The following SAMD5 variants were observed in gnomAD, a reference collection of about 807,000 sequenced individuals.
The protein encoded by SAMD5 is sterile alpha motif domain containing 5.
In SAMD5, 13 loss-of-function variants were observed where a neutral mutation model predicts 11.3. The observed-to-expected ratio is 1.15, with a 90% confidence interval of 0.75 to 1.83. The LOEUF (loss-of-function observed/expected upper bound fraction) is 1.83, where lower values mean the gene tolerates loss of function less well. SAMD5 is among the 40% of genes most tolerant of loss of function. SAMD5 has a pLI of 0.00. For missense variants in SAMD5, 255 were observed against 239.1 expected (o/e 1.07, Z -0.44); for synonymous variants, 129 against 111.3 (o/e 1.16, Z -1.00).
chr6:147,728,320 A>G (rs1791659140), intron 1 of SAMD5, among the ~76,000 whole-genome samples: 1 of 152,180 alleles, frequency 6.6e-6, no homozygotes, highest in Non-Finnish European at 1.5e-5. Context: ...CGGGAGGCTG[A>G]GGCACGAGAA....
At chr6:147,518,543 G>A (rs563883416) in intron 1 of SAMD5, among the ~76,000 whole-genome samples, 4 of 152,286 alleles carry the variant, frequency 2.6e-5, no homozygotes, top group South Asian at 2.1e-4. Context: ...GAAGTAAGGC[G>A]AGTCAGATGA....
At chr6:147,657,336 T>C (rs1433807458) in intron 1 of SAMD5, among the ~76,000 whole-genome samples, 1 of 152,188 alleles carries the variant, frequency 6.6e-6, no homozygotes, top group Non-Finnish European at 1.5e-5. Flanking sequence ...AGTTGATAAC[T>C]GTACTGTGGC....
chr6:147,668,519 C>T (rs115189367), intron 1 of SAMD5, among the ~76,000 whole-genome samples: 1,852 of 152,216 alleles, frequency 0.012, 44 homozygotes, highest in African/African-American at 0.043. Flanking sequence ...TAAGGCAAGT[C>T]ACATGACTTT....
At chr6:147,771,603 A>C in the SAMD5 span, among the ~76,000 whole-genome samples, 3 of 152,134 alleles carry the variant, frequency 2.0e-5, no homozygotes, top group Non-Finnish European at 2.9e-5. Flanking sequence ...AGTATTATGC[A>C]TTGTCTTATC....
the SAMD5 span, among the ~76,000 whole-genome samples, chr6:147,907,660 G>C: frequency 6.6e-6 from 1 of 152,136 alleles, no homozygotes; most frequent in Non-Finnish European, 1.5e-5. Flanking sequence ...GACCCCACAG[G>C]GGTGGGAGGA....
At chr6:147,747,440 A>G in the SAMD5 span, among the ~76,000 whole-genome samples, 7 of 152,220 alleles carry the variant, frequency 4.6e-5, no homozygotes, top group Non-Finnish European at 8.8e-5. Context: ...ACTTCACTCA[A>G]TTGAATATGA....
the SAMD5 span, among the ~76,000 whole-genome samples, chr6:147,950,810 T>C: frequency 4.1e-4 from 62 of 152,154 alleles, no homozygotes; most frequent in Non-Finnish European, 3.1e-4. Context: ...CCCTCAATAT[T>C]GCTCTCAGCC....
At chr6:147,682,442 A>G (rs73011965) in intron 1 of SAMD5, among the ~76,000 whole-genome samples, 17,452 of 152,088 alleles carry the variant, frequency 0.11, 1,095 homozygotes, top group Middle Eastern at 0.16. Flanking sequence ...TCCAGAGAGC[A>G]TCTTCTGGTC....
At chr6:147,862,110 C>T in the SAMD5 span, among the ~76,000 whole-genome samples, 5 of 151,920 alleles carry the variant, frequency 3.3e-5, no homozygotes, top group African/African-American at 4.8e-5. Flanking sequence ...AGCCACCATA[C>T]GCGATTGACA....
chr6:147,628,634 A>G (rs1790093531), intron 1 of SAMD5, among the ~76,000 whole-genome samples: 1 of 152,004 alleles, frequency 6.6e-6, no homozygotes, highest in Admixed American at 6.5e-5. Context: ...CTTTTCAACA[A>G]TCCGTTGAAC....
chr6:147,659,823 C>A (rs12175300), intron 1 of SAMD5, among the ~76,000 whole-genome samples: 2,229 of 152,146 alleles, frequency 0.015, 77 homozygotes, highest in Admixed American at 0.067. Flanking sequence ...ATTTTCATAA[C>A]TTGTAGTAGC....
the SAMD5 span, among the ~76,000 whole-genome samples, chr6:147,823,589 C>T: frequency 1.3e-5 from 2 of 152,094 alleles, no homozygotes; most frequent in African/African-American, 4.8e-5. Flanking sequence ...AACAAACCTG[C>T]ACATTCTGCA....
At chr6:147,654,320 T>C (rs1193429736) in intron 1 of SAMD5, among the ~76,000 whole-genome samples, 2 of 152,134 alleles carry the variant, frequency 1.3e-5, no homozygotes, top group African/African-American at 4.8e-5. Context: ...CACACATAAA[T>C]ACACCATCAT....
the SAMD5 span, among the ~76,000 whole-genome samples, chr6:147,800,368 A>C: frequency 6.6e-6 from 1 of 152,298 alleles, no homozygotes; most frequent in South Asian, 2.1e-4. Flanking sequence ...GGTGCCTCCC[A>C]GTTAGTCTGC....
chr6:147,685,604 A>T (rs1209417242), intron 1 of SAMD5, among the ~76,000 whole-genome samples: 1 of 152,106 alleles, frequency 6.6e-6, no homozygotes, highest in African/African-American at 2.4e-5. Flanking sequence ...GCATATCTGG[A>T]GTCTTTACAA....
At chr6:147,529,253 T>G (rs1394135684) in intron 1 of SAMD5, among the ~76,000 whole-genome samples, 3 of 152,196 alleles carry the variant, frequency 2.0e-5, no homozygotes, top group Non-Finnish European at 4.4e-5. Context: ...GTAAATCAAA[T>G]AAGTTTTCAT....
the SAMD5 span, among the ~76,000 whole-genome samples, chr6:147,938,924 C>T: frequency 2.1e-5 from 3 of 141,556 alleles, no homozygotes; most frequent in Non-Finnish European, 3.0e-5. Context: ...ATGAACCCCA[C>T]AAGTTGAGGG....
At chr6:147,725,366 G>A (rs1234035830) in intron 1 of SAMD5, among the ~76,000 whole-genome samples, 2 of 149,312 alleles carry the variant, frequency 1.3e-5, no homozygotes, top group Non-Finnish European at 2.9e-5. Flanking sequence ...ACTAGCCTCA[G>A]CAGGGCCTGG....
intron 1 of SAMD5, among the ~76,000 whole-genome samples, chr6:147,685,103 T>C (rs571547536): frequency 6.6e-6 from 1 of 152,242 alleles, no homozygotes; most frequent in Non-Finnish European, 1.5e-5. Flanking sequence ...ATTGTCATAC[T>C]CCTTTCTAAG....
Sources: gnomAD v4.1 joint callset for allele counts (sites outside exome capture counted in the v4.1 genomes callset) on GRCh38, gnomAD v4.1.1 for gene constraint, MANE v1.5 for transcripts, NCBI Gene and HGNC (gene_info 2026-07-23, HGNC 2026-07-21) for gene names.